The following COL4A3 variants were observed in gnomAD, a reference collection of about 807,000 sequenced individuals.
COL4A3 encodes the protein collagen type IV alpha 3 chain.
A neutral mutation model predicts 217.4 loss-of-function variants in COL4A3; 135 were observed. The ratio of observed to expected loss-of-function variants is 0.62; its 90% confidence interval spans 0.54 to 0.72. COL4A3 has a LOEUF of 0.72. COL4A3 is among the 30% of genes least tolerant of loss of function. The pLI, the probability that COL4A3 is intolerant of heterozygous loss-of-function variation, is 0.00. For missense variants in COL4A3, 1,868 were observed against 2,119.9 expected (o/e 0.88, Z 2.33); for synonymous variants, 690 against 736.3 (o/e 0.94, Z 1.02).
At chr2:227,295,385 A>C in intron 41 of COL4A3, 69 bp downstream of exon 41, 1 of 1,338,818 alleles carries the variant, frequency 7.5e-7, no homozygotes, top group Non-Finnish European at 1.1e-6. Context: ...AATATGCTTG[A>C]AATATAAAGT....
chr2:227,249,792 C>T (rs1416134493), intron 9 of COL4A3, among the ~76,000 whole-genome samples: 2 of 152,058 alleles, frequency 1.3e-5, no homozygotes, highest in Non-Finnish European at 2.9e-5. Context: ...ATTTAAGAGT[C>T]CAGATGCTGA....
At chr2:227,207,603 G>T (rs72975983) in intron 1 of COL4A3, among the ~76,000 whole-genome samples, 8,209 of 152,282 alleles carry the variant, frequency 0.054, 235 homozygotes, top group Middle Eastern at 0.071. Flanking sequence ...GGGCAGGGGG[G>T]TTTGCAGGGG....
intron 1 of COL4A3, among the ~76,000 whole-genome samples, chr2:227,196,538 C>T (rs1320570516): frequency 3.3e-5 from 5 of 151,952 alleles, no homozygotes; most frequent in South Asian, 2.1e-4. Flanking sequence ...AGGATGGTCT[C>T]GATCTCCTGA....
At chr2:227,305,121 A>T in intron 47 of COL4A3, 38 bp downstream of exon 47, 2 of 1,565,856 alleles carry the variant, frequency 1.3e-6, no homozygotes, top group Non-Finnish European at 1.8e-6. Flanking sequence ...AAGAAGTGCT[A>T]TTTCGACATA....
chr2:227,286,447 A>G (rs1233419658), intron 34 of COL4A3, among the ~76,000 whole-genome samples: 1 of 152,130 alleles, frequency 6.6e-6, no homozygotes, highest in East Asian at 1.9e-4. Context: ...ATGAGCTGAG[A>G]TTGTGCCACT....
chr2:227,282,345 A>T lies in COL4A3; in HGVS notation c.2489-20A>T, dbSNP rs758333197. On this transcript the variant is annotated intron_variant, in intron 31 of 51. Transcript: ENST00000396578. This position sits in a 1 kb window ranked among gnomAD's most constrained non-coding sequence, Gnocchi z 4.4. ...AAAGCATTTGTGGGTTAATTAATTC[A>T]TTCATTTATTCGTACACAGGCAGAA... 1 of 1,602,928 alleles carries T rather than the reference A, an allele frequency of 6.2e-7. No homozygotes were observed. The highest frequency in any genetic ancestry group is 1.1e-5 in the South Asian group (1 of 90,884).
chr2:227,283,210 T>C (rs898490370), intron 32 of COL4A3, among the ~76,000 whole-genome samples: 1 of 152,222 alleles, frequency 6.6e-6, no homozygotes, highest in African/African-American at 2.4e-5. Context: ...GTTTATATGT[T>C]TGGGGAGAAT....
chr2:227,177,484 T>C (rs1472236885), intron 1 of COL4A3, among the ~76,000 whole-genome samples: 2 of 152,140 alleles, frequency 1.3e-5, no homozygotes, highest in Non-Finnish European at 2.9e-5. Flanking sequence ...TTTAAATGTC[T>C]ATAGAGAACT....
At chr2:227,174,015 T>C (rs1193899918) in intron 1 of COL4A3, among the ~76,000 whole-genome samples, 1 of 152,194 alleles carries the variant, frequency 6.6e-6, no homozygotes, top group East Asian at 1.9e-4. Flanking sequence ...TGTCTGGTTA[T>C]TTACCATAAG....
chr2:227,182,070 A>G (rs2065883045), intron 1 of COL4A3, among the ~76,000 whole-genome samples: 1 of 152,194 alleles, frequency 6.6e-6, no homozygotes. Flanking sequence ...TCCCCCAAAT[A>G]GCCAATTTTC....
At chr2:227,221,208 G>A (rs2067766651) in intron 1 of COL4A3, 1 of 152,152 alleles carries the variant, frequency 6.6e-6, no homozygotes, top group South Asian at 2.1e-4. Context: ...TGGTTCCCCT[G>A]TAAGACAGTA....
chr2:227,298,210 T>G (rs1050269004), intron 42 of COL4A3, among the ~76,000 whole-genome samples: 3 of 152,096 alleles, frequency 2.0e-5, no homozygotes, highest in African/African-American at 7.2e-5. Flanking sequence ...TAGCCAGTCT[T>G]GCTTGGTGGT....
At chr2:227,192,941 T>C (rs1415987060) in intron 1 of COL4A3, among the ~76,000 whole-genome samples, 1 of 152,076 alleles carries the variant, frequency 6.6e-6, no homozygotes, top group Non-Finnish European at 1.5e-5. Flanking sequence ...ATATAAAATA[T>C]AAGCCCAAAT....
chr2:227,294,691 AC>A, intron 39 of COL4A3, 121 bp downstream of exon 39: 1 of 800,042 alleles, frequency 1.2e-6, no homozygotes, highest in South Asian at 1.5e-5. Flanking sequence ...CAGTATCCAG[AC>A]AAAAATGCAA....
chr2:227,210,365 C>T (rs914870647), intron 1 of COL4A3, among the ~76,000 whole-genome samples: 65 of 152,250 alleles, frequency 4.3e-4, no homozygotes, highest in Admixed American at 4.2e-3. Context: ...CCAACGCAGG[C>T]AGATCACCTG....
At chr2:227,212,293 A>G (rs2067357439) in intron 1 of COL4A3, among the ~76,000 whole-genome samples, 1 of 152,148 alleles carries the variant, frequency 6.6e-6, no homozygotes, top group Non-Finnish European at 1.5e-5. Context: ...AGTAGAATTT[A>G]TCCATCTTTT....
chr2:227,298,373 G>A (rs2073127276), intron 42 of COL4A3, among the ~76,000 whole-genome samples: 1 of 152,078 alleles, frequency 6.6e-6, no homozygotes, highest in Non-Finnish European at 1.5e-5. Context: ...TAGCCTAAAA[G>A]ACAGTGATGC....
Position 227,297,839 on chromosome 2 carries a change from C to T in COL4A3, c.3731C>T (p.Pro1244Leu). The T allele has an allele frequency of 6.4e-7, 1 of 1,561,470 alleles. No homozygotes were observed. The highest frequency in any genetic ancestry group is 1.4e-5 in the African/African-American group (1 of 73,820). ...GGCCAGACAGGAAATCGTGGTCCAC[C>T]AGGCTCAAGAGGAAGCCCAGGTAAA... ...IPGQTGNRGP[P>L]GSRGSPGAPG... The change falls in exon 42 of 52, where the codon CCA becomes CTA. Residue 1244 changes from proline (P) to leucine (L), a missense_variant. Transcript: ENST00000396578.
intron 1 of COL4A3, among the ~76,000 whole-genome samples, chr2:227,188,085 TA>T (rs1559804745): frequency 6.6e-6 from 1 of 152,108 alleles, no homozygotes; most frequent in African/African-American, 2.4e-5. Flanking sequence ...ACTACTCCTT[TA>T]AAAAAATTAA....
Sources: gnomAD v4.1 joint callset for allele counts (sites outside exome capture counted in the v4.1 genomes callset) on GRCh38, gnomAD v4.1.1 for gene constraint, Gnocchi (gnomAD v3.1) non-coding constraint, MANE v1.5 for transcripts, NCBI Gene and HGNC (gene_info 2026-07-23, HGNC 2026-07-21) for gene names.